The following ALS2 variants were observed in gnomAD, a reference collection of about 807,000 sequenced individuals.
ALS2 encodes alsin.
In ALS2, 117 loss-of-function variants were observed where a neutral mutation model predicts 203.4. That is an observed-to-expected ratio of 0.58 (90% CI 0.50 to 0.67). The LOEUF (loss-of-function observed/expected upper bound fraction) is 0.67. ALS2 is among the 30% of genes least tolerant of loss of function. The pLI is 0.00. For missense variants in ALS2, 1,715 were observed against 1,989.4 expected (o/e 0.86, Z 2.62); for synonymous variants, 718 against 725.9 (o/e 0.99, Z 0.17).
chr2:201,744,382 G>A lies in ALS2; in HGVS notation c.2046C>T (p.Ala682=), dbSNP rs1692491221. 6.2e-7 allele frequency: 1 copy of A among 1,613,952 alleles called. No homozygotes were observed. The highest frequency in any genetic ancestry group is 8.5e-7 in the Non-Finnish European group (1 of 1,179,976). ...ACCCCATAATGTTTTTATCCACCAA[G>A]GCTAAATAGCTATCTTTTCCTGCTG... ...RVTAGKDSYL[A]LVDKNIMGYI... is the part of the protein sequence containing the mutation. Residue 682 remains alanine (A), a synonymous_variant, in exon 10 of 34, where the codon GCC becomes GCT. Coordinates refer to ENST00000264276, the MANE Select transcript of ALS2 (RefSeq NM_020919.4).
intron 9 of ALS2, among the ~76,000 whole-genome samples, 185 bp downstream of exon 9, chr2:201,746,381 C>T (rs890043070): frequency 5.3e-5 from 8 of 151,982 alleles, no homozygotes; most frequent in Admixed American, 4.6e-4. Flanking sequence ...ATAGTGTATT[C>T]GATGGTGATA....
intron 27 of ALS2, among the ~76,000 whole-genome samples, chr2:201,709,354 C>T (rs1689898534): frequency 6.6e-6 from 1 of 152,100 alleles, no homozygotes; most frequent in Admixed American, 6.6e-5. Flanking sequence ...CTCTTTTCCC[C>T]CATTAGAATG....
At chr2:201,734,232 T>C (rs117042128) in intron 12 of ALS2, among the ~76,000 whole-genome samples, 1 of 152,324 alleles carries the variant, frequency 6.6e-6, no homozygotes, top group East Asian at 1.9e-4. Context: ...CCCAGCACTT[T>C]GGGCTGCCAA....
At chr2:201,772,123 G>A (rs533692448) in intron 1 of ALS2, among the ~76,000 whole-genome samples, 1 of 152,232 alleles carries the variant, frequency 6.6e-6, no homozygotes, top group East Asian at 1.9e-4. Context: ...ACCCCAGGGG[G>A]CCCTTTAAAC....
intron 25 of ALS2, 59 bp downstream of exon 25, chr2:201,715,613 G>A: frequency 1.9e-6 from 3 of 1,588,626 alleles, no homozygotes; most frequent in African/African-American, 1.3e-5. Flanking sequence ...ACTACTTACT[G>A]GTCTTAAGTT....
intron 16 of ALS2, among the ~76,000 whole-genome samples, 187 bp downstream of exon 16, chr2:201,727,518 G>C (rs536308858): frequency 6.6e-6 from 1 of 152,280 alleles, no homozygotes; most frequent in South Asian, 2.1e-4. Flanking sequence ...GACTTGCCAT[G>C]ATCTTCACAA....
chr2:201,715,243 G>A (rs1645803395), intron 25 of ALS2, among the ~76,000 whole-genome samples: 1 of 152,198 alleles, frequency 6.6e-6, no homozygotes. Context: ...ACCACTCTGA[G>A]TTTTAGGAGT....
intron 9 of ALS2, 52 bp from the exon 10 acceptor site, chr2:201,744,481 A>G: frequency 6.5e-7 from 1 of 1,544,898 alleles, no homozygotes; most frequent in Non-Finnish European, 8.9e-7. Context: ...TTATGTTACT[A>G]ATTTGGTATA....
intron 17 of ALS2, 115 bp from the exon 18 acceptor site, chr2:201,726,981 T>C (rs1691215032): frequency 1.0e-6 from 1 of 999,114 alleles, no homozygotes; most frequent in East Asian, 2.6e-5. Context: ...ATGCTTTTCT[T>C]ATTAATAGAG....
rs1210268901 is a variant in ALS2, at chr2:201,707,872, G to C, written c.4400C>G (p.Pro1467Arg). 6.2e-7 allele frequency: 1 copy of C among 1,613,166 alleles called. No individual in the cohort carries two copies. Among genetic ancestry groups the C allele is most frequent in the South Asian group, 1.1e-5 (1 of 91,046 alleles). Residue 1467 changes from proline to arginine, a missense_variant, in exon 28 of 34, where the codon CCA (proline) becomes CGA (arginine). Pro to Arg is a moderately radical substitution (Grantham distance 103, BLOSUM62 -2). Coordinates refer to ENST00000264276, the MANE Select transcript of ALS2 (RefSeq NM_020919.4). ...GTCCCCACCCAACTCCATTTACCCT[G>C]GCTCTGGTGATTCAGATCGGGAATC... ...KSDSRSESPE[P>R]GYVVTSSGLL...
chr2:201,701,995 A>G, intron 33 of ALS2, 106 bp from the exon 34 acceptor site: 1 of 970,400 alleles, frequency 1.0e-6, no homozygotes, highest in South Asian at 1.4e-5. Context: ...GAACAAATTC[A>G]GCTGATGGCC....
In ALS2 at chr2:201,741,376, C is replaced by A; in HGVS notation, c.2351+298G>T. ...TTTTAGTACAATTTAGTTAAGTAAA[C>A]AAAATTGTTTTCTAAAGAACCAGAC... On this transcript the variant is annotated intron_variant, in intron 11 of 33. Transcript: ENST00000264276. 1.0e-5 allele frequency: 3 copies of A among 293,060 alleles called. No homozygotes were observed. In the South Asian group the frequency reaches 1.2e-4, roughly 11 times the overall value. The allele number at this position is 293,060 out of a possible 1,614,324, so 18.2% of individuals were successfully genotyped here. A position where few individuals can be genotyped will look rare whatever the true frequency, so the allele number is the denominator to read the frequency against.
At chr2:201,722,979 A>T (rs552335363) in intron 23 of ALS2, 64 bp downstream of exon 23, 1 of 1,298,988 alleles carries the variant, frequency 7.7e-7, no homozygotes, top group Non-Finnish European at 1.1e-6. Context: ...AGCTATTTTT[A>T]AAGTAAAAAA....
chr2:201,710,446 G>A (rs1183523672), intron 26 of ALS2, among the ~76,000 whole-genome samples: 2 of 134,676 alleles, frequency 1.5e-5, no homozygotes, highest in Admixed American at 7.5e-5. Context: ...AAAAAAAAAA[G>A]AATACAAAAT....
At chr2:201,711,334 A>C (rs570102665) in intron 25 of ALS2, among the ~76,000 whole-genome samples, 1 of 152,256 alleles carries the variant, frequency 6.6e-6, no homozygotes, top group Non-Finnish European at 1.5e-5. Context: ...TAAATTAATG[A>C]AGATTCTACA....
At chr2:201,767,062 T>C (rs1694126302) in intron 3 of ALS2, among the ~76,000 whole-genome samples, 167 bp downstream of exon 3, 2 of 151,300 alleles carry the variant, frequency 1.3e-5, no homozygotes, top group South Asian at 4.2e-4. Context: ...CTACACGTTG[T>C]GCACATGTAC....
chr2:201,704,592 G>A lies in ALS2; in HGVS notation c.4700C>T (p.Thr1567Ile). 1 of 1,614,096 alleles carries A rather than the reference G, an allele frequency of 6.2e-7. No homozygotes were observed. Among genetic ancestry groups the A allele is most frequent in the Non-Finnish European group, 8.5e-7 (1 of 1,179,984 alleles). Residue 1567 changes from threonine (T) to isoleucine (I), a missense_variant, in exon 32 of 34, where the codon ACC becomes ATC. By Grantham distance (89) the Thr-to-Ile change is moderately conservative. Transcript: ENST00000264276. ...GATGACCTTAAGTTTGTCTGATGGG[G>A]TAAATGTTGTGCTGTTACAGAAACA... is the stretch of plus-strand genomic sequence containing the variant. ...ECLQQISTTFTPSDKLKVIQQ... is the reference protein window; with the variant it reads ...ECLQQISTTFIPSDKLKVIQQ...
chr2:201,715,945 A>C, intron 24 of ALS2, 106 bp from the exon 25 acceptor site: 1 of 1,211,928 alleles, frequency 8.3e-7, no homozygotes, highest in Non-Finnish European at 1.2e-6. Flanking sequence ...TTTCGTGACC[A>C]AAACTGCCAA....
chr2:201,749,660 G>A, intron 8 of ALS2, 52 bp downstream of exon 8: 3 of 1,377,760 alleles, frequency 2.2e-6, no homozygotes, highest in Non-Finnish European at 2.1e-6. Context: ...GAAGTATAAG[G>A]TGTTACAGCT....
Sources: allele counts gnomAD v4.1 joint callset (sites outside exome capture counted in the v4.1 genomes callset), GRCh38; gene constraint gnomAD v4.1.1; transcripts MANE v1.5; gene names NCBI Gene and HGNC (gene_info 2026-07-23, HGNC 2026-07-21).